UMOD: variants seen among roughly 807,000 people sequenced by gnomAD.
UMOD encodes the protein Tamm-Horsfall urinary glycoprotein.
In UMOD, 64 loss-of-function variants were observed where a neutral mutation model predicts 66.0. That is an observed-to-expected ratio of 0.97 (90% CI 0.79 to 1.19). The LOEUF (loss-of-function observed/expected upper bound fraction) is 1.19, where lower values mean the gene tolerates loss of function less well. Ranked by LOEUF, UMOD falls within the 50% of genes most tolerant of loss-of-function variation. The probability of loss-of-function intolerance (pLI) is 0.00; values close to 1 mark genes in which losing one functional copy is unlikely to be tolerated. For synonymous variants in UMOD, 398 were observed against 352.7 expected (o/e 1.13, Z -1.44); for missense variants, 764 against 850.9 (o/e 0.90, Z 1.27).
Position 20,335,498 on chromosome 16 carries a change from C to G in UMOD, c.1845G>C (p.Arg615Ser), listed in dbSNP as rs1257087083. The change falls in exon 10 of 11, where the codon AGG (arginine) becomes AGC (serine). Residue 615 changes from arginine (R) to serine (S), a missense_variant. Physicochemically the swap from Arg to Ser is moderately radical, Grantham distance 110 (BLOSUM62 -1). Transcript: ENST00000396138. ...TRKGVQATVS[R>S]AFSSLGLLKV... The stretch of plus-strand genomic sequence containing the variant: ...TGAACTTACCCAAGCTGCTAAAAGC[C>G]CTTGAGACTGTGGCCTGGACACCTT... The G allele has an allele frequency of 1.2e-6, 2 of 1,613,960 alleles. No individual in the cohort carries two copies. The highest frequency in any genetic ancestry group is 1.7e-5 in the Admixed American group (1 of 60,004).
At chr16:20,354,917 G>A (rs1966008373), upstream of UMOD, among the ~76,000 whole-genome samples, 1 of 152,050 alleles carries the variant, frequency 6.6e-6, no homozygotes, top group Admixed American at 6.5e-5. Flanking sequence ...TACACTTAGG[G>A]TCACTACTTG....
upstream of UMOD, among the ~76,000 whole-genome samples, chr16:20,353,880 A>G (rs570127386): frequency 6.6e-6 from 1 of 152,210 alleles, no homozygotes; most frequent in Admixed American, 6.5e-5. Flanking sequence ...TACATTAGGT[A>G]TAACTCCTAA....
At chr16:20,335,373 T>C in intron 10 of UMOD, 109 bp downstream of exon 10, 1 of 1,150,076 alleles carries the variant, frequency 8.7e-7, no homozygotes, top group East Asian at 2.4e-5. Context: ...AAAACGGAAC[T>C]AGTAACACCT....
Position 20,335,942 on chromosome 16 carries a change from C to T in UMOD, c.1823-422G>A, listed in dbSNP as rs1265256034. 3.9e-5 allele frequency among the ~76,000 whole-genome samples: 6 copies of T among 152,336 alleles called. No individual in the cohort carries two copies. The East Asian group carries it at 1.2e-3, about 29-fold the overall frequency. On this transcript the variant is annotated intron_variant, in intron 9 of 10. Coordinates refer to ENST00000396138, the MANE Select transcript of UMOD (RefSeq NM_003361.4). ...ACTTTTAAGCTGTGCTTGTTCCTTC[C>T]TGGGTGTAGGCTGAACTAATTTGGA... is the stretch of plus-strand genomic sequence containing the variant.
At chr16:20,352,417 T>C (rs1198322689) in intron 1 of UMOD, 1 of 349,310 alleles carries the variant, frequency 2.9e-6, no homozygotes, top group African/African-American at 2.1e-5. Context: ...TAGCAAGTTG[T>C]TCATTGTTGT....
At chr16:20,344,675 T>C (rs1376886052) in intron 5 of UMOD, among the ~76,000 whole-genome samples, 2 of 103,290 alleles carry the variant, frequency 1.9e-5, no homozygotes, top group East Asian at 4.1e-4. Flanking sequence ...TTAATCATCT[T>C]TTCTTTATAA....
At position 20,346,162 on chromosome 16, in the gene UMOD, G is replaced by A. The variant is rs146885508; in HGVS notation, c.1146C>T (p.Thr382=). ...TCCCACAGGGGCCATCCCGGGCTGG[G>A]GTCACTACAGACACCCAGTCCCGGT... ...RDNRDWVSVV[T]PARDGPCGTV... Residue 382 remains threonine (T), a synonymous_variant, in exon 5 of 11, where the codon ACC becomes ACT. Coordinates refer to ENST00000396138, the MANE Select transcript of UMOD (RefSeq NM_003361.4). The A allele has an allele frequency of 7.7e-5, 125 of 1,614,116 alleles. No individual in the cohort carries two copies. The African/African-American group carries it at 1.4e-3, about 18-fold the overall frequency.
At position 20,341,258 on chromosome 16, in the gene UMOD, C is replaced by T; in HGVS notation, c.1410G>A (p.Gln470=). ...MALFQTPSYT[Q]PYQGSSVTLS... ...GTGTCACGGAGGAGCCTTGGTAGGG[C>T]TGCGTGTAGGAAGGGGTCTGGAAGA... The change falls in exon 7 of 11, where the codon CAG becomes CAA. Residue 470 remains glutamine (Q), a synonymous_variant. Coordinates refer to ENST00000396138, the MANE Select transcript of UMOD (RefSeq NM_003361.4). 6.2e-7 allele frequency: 1 copy of T among 1,614,044 alleles called. No homozygotes were observed. The highest frequency in any genetic ancestry group is 8.5e-7 in the Non-Finnish European group (1 of 1,180,010).
rs1190841920 is a variant in UMOD at position 20,333,196 on chromosome 16, G to A, written c.*118C>T. Reference sequence around the variant, plus strand: ...CCAGGATTAAAAGGGAGAAAAGAAGGCAGGCTGAACAAAGCATGAACTTTC... The same window carrying A: ...CCAGGATTAAAAGGGAGAAAAGAAGACAGGCTGAACAAAGCATGAACTTTC... On this transcript the variant is annotated 3_prime_UTR_variant, in exon 11 of 11. Transcript: ENST00000396138. The A allele has an allele frequency of 9.6e-7, 1 of 1,045,868 alleles. No homozygotes were observed. The highest frequency in any genetic ancestry group is 1.4e-5 in the South Asian group (1 of 73,610). 64.8% of individuals were successfully genotyped at this position (1,045,868 alleles called of 1,614,324 possible). A position where few individuals can be genotyped will look rare whatever the true frequency, so the allele number is the denominator to read the frequency against.
At chr16:20,333,471 G>T in intron 10 of UMOD, 96 bp from the exon 11 acceptor site, 2 of 1,172,032 alleles carry the variant, frequency 1.7e-6, no homozygotes, top group Non-Finnish European at 2.5e-6. Flanking sequence ...AATCAGAAGA[G>T]GACACCCTCT....
chr16:20,350,681 G>T lies in UMOD; in HGVS notation c.57C>A (p.Ile19=). The T allele has an allele frequency of 6.2e-7, 1 of 1,614,152 alleles. No individual in the cohort carries two copies. The highest frequency in any genetic ancestry group is 8.5e-7 in the Non-Finnish European group (1 of 1,180,028). ...CTGAGGTGTCAGTGGCTGCAGTTGTGATGAACCAAGAGGCCACCACCACCA... is the reference window on the plus strand; with the variant it reads ...CTGAGGTGTCAGTGGCTGCAGTTGTTATGAACCAAGAGGCCACCACCACCA... ...MLMVVVASWF[I]TTAATDTSEA... The change falls in exon 2 of 11, where the codon ATC becomes ATA. Residue 19 remains isoleucine, a synonymous_variant. Coordinates refer to ENST00000396138, the MANE Select transcript of UMOD (RefSeq NM_003361.4).
At chr16:20,337,517 G>A (rs1162768268) in intron 7 of UMOD, 64 bp from the exon 8 acceptor site, 2 of 1,600,690 alleles carry the variant, frequency 1.2e-6, no homozygotes, top group Non-Finnish European at 1.7e-6. Flanking sequence ...CAGACTTCCT[G>A]GATTCAAATA....
intron 4 of UMOD, among the ~76,000 whole-genome samples, chr16:20,346,595 G>A (rs763149638): frequency 5.3e-5 from 8 of 152,120 alleles, no homozygotes; most frequent in Non-Finnish European, 1.2e-4. Flanking sequence ...GTTTTGGGGG[G>A]TTTTGATGTC....
At chr16:20,352,516 G>A (rs1596569888) in intron 1 of UMOD, 173 bp downstream of exon 1, 6 of 418,652 alleles carry the variant, frequency 1.4e-5, no homozygotes, top group East Asian at 3.6e-5. Flanking sequence ...GGACAGAGAG[G>A]ATCAAAGAGA....
chr16:20,348,117 C>T (rs2141672158), intron 4 of UMOD, 106 bp downstream of exon 4: 1 of 996,068 alleles, frequency 1.0e-6, no homozygotes, highest in Admixed American at 1.7e-5. Context: ...GATATATATC[C>T]CCTGCGTCAT....
chr16:20,354,408 C>A (rs1002771668), upstream of UMOD, among the ~76,000 whole-genome samples: 7 of 152,180 alleles, frequency 4.6e-5, no homozygotes. Flanking sequence ...ACACTACTCA[C>A]CAGTTCTGAG....
intron 2 of UMOD, 104 bp from the exon 3 acceptor site, chr16:20,349,316 T>C: frequency 3.2e-6 from 4 of 1,259,282 alleles, no homozygotes; most frequent in Non-Finnish European, 4.5e-6. Context: ...TTAAGACTTA[T>C]TCCCTAGAGG....
At chr16:20,350,588 C>G in intron 2 of UMOD, 62 bp downstream of exon 2, 1 of 1,593,972 alleles carries the variant, frequency 6.3e-7, no homozygotes, top group Non-Finnish European at 8.6e-7. Flanking sequence ...ATTGCTTCCC[C>G]CACACATTCA....
Position 20,350,859 on chromosome 16 carries a change from G to A in UMOD, c.-102-20C>T. ...GGTGTCCTGTGAACAGAGATGGATG[G>A]GACAAATGCATGATCTAACTCTCCT... On this transcript the variant is annotated intron_variant, in intron 1 of 10. Transcript: ENST00000396138. 1 of 1,545,760 alleles carries A rather than the reference G, an allele frequency of 6.5e-7. No homozygotes were observed. Among genetic ancestry groups the A allele is most frequent in the Non-Finnish European group, 8.7e-7 (1 of 1,147,492 alleles).
Sources: allele counts gnomAD v4.1 joint callset (sites outside exome capture counted in the v4.1 genomes callset), GRCh38; gene constraint gnomAD v4.1.1; transcripts MANE v1.5; gene names NCBI Gene and HGNC (gene_info 2026-07-23, HGNC 2026-07-21).